The following NRXN3 variants were observed in gnomAD, a reference collection of about 807,000 sequenced individuals.
NRXN3 encodes neurexin 3, also known as neurexin III.
A neutral mutation model predicts 137.6 loss-of-function variants in NRXN3; 32 were observed. The ratio of observed to expected loss-of-function variants is 0.23; its 90% confidence interval spans 0.18 to 0.31. The LOEUF (loss-of-function observed/expected upper bound fraction) is 0.31. Ranked by LOEUF, NRXN3 falls within the 10% of genes least tolerant of loss-of-function variation. NRXN3 has a pLI of 1.00. For synonymous variants in NRXN3, 798 were observed against 784.5 expected (o/e 1.02, Z -0.29); for missense variants, 1,574 against 2,062.5 (o/e 0.76, Z 4.59).
chr14:79,596,598 CTAAGAG>C (rs1219319914), intron 16 of NRXN3, among the ~76,000 whole-genome samples: 1 of 152,066 alleles, frequency 6.6e-6, no homozygotes, highest in Non-Finnish European at 1.5e-5. Context: ...CTCTTACAGA[CTAAGAG>C]TATTTATTGG....
At chr14:78,634,032 C>A (rs1285820544) in intron 4 of NRXN3, among the ~76,000 whole-genome samples, 1 of 152,160 alleles carries the variant, frequency 6.6e-6, no homozygotes, top group Non-Finnish European at 1.5e-5. Context: ...AAAGAACTAG[C>A]ATGATTTTAT....
chr14:78,557,198 T>C (rs1413788004), intron 4 of NRXN3, among the ~76,000 whole-genome samples: 2 of 149,920 alleles, frequency 1.3e-5, no homozygotes, highest in South Asian at 2.1e-4. Context: ...GTGAAAATGA[T>C]CACACCTGGC....
rs538572532 is a variant in NRXN3, at chr14:79,315,523, A to C, written c.3263-151698A>C. 1.7e-4 allele frequency among the ~76,000 whole-genome samples: 26 copies of C among 152,358 alleles called. 1 individual carries two copies. The South Asian group carries it at 5.4e-3, about 32-fold the overall frequency. On this transcript the variant is annotated intron_variant, in intron 15 of 20. Transcript: ENST00000335750. ...ACCACCCCTTCCAAAGCTCACCAGG[A>C]GAAAAGTGAGAAATAAAATATCAAA... is the stretch of plus-strand genomic sequence containing the variant.
intron 15 of NRXN3, among the ~76,000 whole-genome samples, chr14:79,372,135 T>TAGAG (rs71131697): frequency 0.44 from 67,255 of 151,496 alleles, 15,211 homozygotes; most frequent in South Asian, 0.53. Context: ...AAGACACACA[T>TAGAG]AGAGAGTGTG....
rs148861620 is a variant in NRXN3 at position 78,630,885 on chromosome 14, G to A, written c.758-14235G>A. ...CTCCCAAAGTGCTGGGATTACAGACGTGAGCCGCTGCACCCGGCCATTTTT... is the reference window on the plus strand; with the variant it reads ...CTCCCAAAGTGCTGGGATTACAGACATGAGCCGCTGCACCCGGCCATTTTT... On this transcript the variant is annotated intron_variant, in intron 4 of 20. Transcript: ENST00000335750. Among the ~76,000 whole-genome samples the A allele has an allele frequency of 3.3e-5, 5 of 152,264 alleles. No homozygotes were observed. In the East Asian group the frequency reaches 7.7e-4, roughly 23 times the overall value.
At chr14:78,368,467 T>G (rs1212971244) in intron 4 of NRXN3, among the ~76,000 whole-genome samples, 2 of 152,138 alleles carry the variant, frequency 1.3e-5, no homozygotes, top group East Asian at 3.9e-4. Context: ...TCCCAGCACT[T>G]TGGGAGGCCG....
chr14:78,171,388 G>T (rs1470637593), intron 1 of NRXN3, among the ~76,000 whole-genome samples: 7 of 151,702 alleles, frequency 4.6e-5, no homozygotes, highest in Admixed American at 1.3e-4. Context: ...GTTTGGATCG[G>T]TTACAAGGGA....
chr14:79,789,336 G>A (rs561250715), intron 19 of NRXN3, among the ~76,000 whole-genome samples: 2 of 152,240 alleles, frequency 1.3e-5, no homozygotes, highest in South Asian at 2.1e-4. Context: ...GTGCCTGGAG[G>A]TGTGACGGGG....
At chr14:78,630,066 C>G (rs1189641445) in intron 4 of NRXN3, among the ~76,000 whole-genome samples, 1 of 152,136 alleles carries the variant, frequency 6.6e-6, no homozygotes, top group Non-Finnish European at 1.5e-5. Flanking sequence ...GAATGACCAG[C>G]CTTCCTGGTT....
chr14:78,907,662 C>T (rs1489568320), intron 10 of NRXN3, among the ~76,000 whole-genome samples: 1 of 151,904 alleles, frequency 6.6e-6, no homozygotes, highest in Non-Finnish European at 1.5e-5. Flanking sequence ...CTTTTAAGTC[C>T]AGGGGCATAA....
At chr14:79,534,758 G>C (rs958441881) in intron 16 of NRXN3, among the ~76,000 whole-genome samples, 3 of 152,152 alleles carry the variant, frequency 2.0e-5, no homozygotes, top group African/African-American at 7.2e-5. Context: ...GGAGATATGA[G>C]TACATAATAG....
At chr14:79,015,366 A>G (rs1227984491) in intron 15 of NRXN3, among the ~76,000 whole-genome samples, 1 of 152,134 alleles carries the variant, frequency 6.6e-6, no homozygotes, top group African/African-American at 2.4e-5. Context: ...ATCATTTTCA[A>G]TTCTGCAAAC....
chr14:78,225,346 G>A (rs1292233495), intron 1 of NRXN3, among the ~76,000 whole-genome samples: 10 of 152,206 alleles, frequency 6.6e-5, no homozygotes, highest in Non-Finnish European at 1.0e-4. Context: ...TTCTCTGATG[G>A]TCAGGGACGG....
At chr14:79,183,006 G>T (rs187199468) in intron 15 of NRXN3, among the ~76,000 whole-genome samples, 2 of 152,186 alleles carry the variant, frequency 1.3e-5, no homozygotes, top group Admixed American at 1.3e-4. Flanking sequence ...ATGTTAAAGA[G>T]AAATATTGCT....
intron 20 of NRXN3, among the ~76,000 whole-genome samples, chr14:79,832,003 C>A (rs1368105304): frequency 6.6e-6 from 1 of 152,070 alleles, no homozygotes; most frequent in Non-Finnish European, 1.5e-5. Flanking sequence ...TTTCAGGACA[C>A]CCCCTCGCCG....
intron 15 of NRXN3, among the ~76,000 whole-genome samples, chr14:79,223,645 T>C (rs751080890): frequency 1.7e-4 from 26 of 152,250 alleles, no homozygotes; most frequent in Non-Finnish European, 3.2e-4. Context: ...TGAGCAGTAA[T>C]TGAGATCATG....
At chr14:78,519,757 A>G (rs780252897) in intron 4 of NRXN3, among the ~76,000 whole-genome samples, 16 of 152,282 alleles carry the variant, frequency 1.1e-4, no homozygotes, top group African/African-American at 3.8e-4. Context: ...AAGGAGTAGG[A>G]GTTGCCTAGG....
At chr14:78,999,472 GT>G (rs140680117) in intron 15 of NRXN3, among the ~76,000 whole-genome samples, 1,799 of 152,210 alleles carry the variant, frequency 0.012, 24 homozygotes, top group African/African-American at 0.041. Context: ...CAGCATCTGA[GT>G]TGTGCAAAGA....
chr14:78,701,295 T>A (rs890239004), intron 6 of NRXN3, among the ~76,000 whole-genome samples: 17 of 152,216 alleles, frequency 1.1e-4, no homozygotes, highest in African/African-American at 4.1e-4. Context: ...CATTTTCCTT[T>A]CACAAAGAAT....
Sources: gnomAD v4.1 joint callset for allele counts (sites outside exome capture counted in the v4.1 genomes callset) on GRCh38, gnomAD v4.1.1 for gene constraint, MANE v1.5 for transcripts, NCBI Gene and HGNC (gene_info 2026-07-23, HGNC 2026-07-21) for gene names.